Variants in LHFPL2 observed in about 807,000 individuals in gnomAD.
The protein encoded by LHFPL2 is LHFPL tetraspan subfamily member 2.
A neutral mutation model predicts 17.5 loss-of-function variants in LHFPL2; 7 were observed. The ratio of observed to expected loss-of-function variants is 0.40; its 90% CI spans 0.23 to 0.75. The LOEUF is 0.75. Ranked by LOEUF, LHFPL2 falls within the 30% of genes least tolerant of loss-of-function variation. LHFPL2 has a pLI of 0.37. For missense variants in LHFPL2, 241 were observed against 294.8 expected (o/e 0.82, Z 1.34); for synonymous variants, 134 against 116.2 (o/e 1.15, Z -0.99).
rs528378618 is a variant in LHFPL2 at position 78,485,817 on chromosome 5, G to A, written c.*3080C>T. 5 of 152,702 alleles carry A rather than the reference G, an allele frequency of 3.3e-5. No homozygotes were observed. Among genetic ancestry groups the A allele is most frequent in the Non-Finnish European group, 7.3e-5 (5 of 68,032 alleles). 9.5% of individuals were successfully genotyped at this position (152,702 alleles called of 1,614,324 possible). The stretch of plus-strand genomic sequence containing the variant: ...CTAGCATTAACTGGGCCTGGCGTGC[G>A]GGCTTAACTTTGACATAACACTAGC... On this transcript the variant is annotated 3_prime_UTR_variant, in exon 5 of 5. Coordinates refer to ENST00000380345, the MANE Select transcript of LHFPL2 (RefSeq NM_005779.3).
At chr5:78,617,430 T>C (rs1401985561) in intron 2 of LHFPL2, among the ~76,000 whole-genome samples, 2 of 152,202 alleles carry the variant, frequency 1.3e-5, no homozygotes, top group Non-Finnish European at 2.9e-5. Flanking sequence ...TTTTCCACTC[T>C]CACCAGCTCA....
At chr5:78,530,411 C>A (rs1033571020) in intron 3 of LHFPL2, among the ~76,000 whole-genome samples, 8 of 152,186 alleles carry the variant, frequency 5.3e-5, no homozygotes, top group African/African-American at 1.9e-4. Context: ...TGAAATCAGG[C>A]TGAACCATAA....
chr5:78,581,922 T>C (rs868568834), intron 2 of LHFPL2, among the ~76,000 whole-genome samples: 1 of 152,124 alleles, frequency 6.6e-6, no homozygotes, highest in African/African-American at 2.4e-5. Flanking sequence ...TCTGGTCCTG[T>C]ACTATTTTTG....
chr5:78,516,019 C>T (rs1755280895), intron 3 of LHFPL2, among the ~76,000 whole-genome samples: 1 of 152,088 alleles, frequency 6.6e-6, no homozygotes, highest in Non-Finnish European at 1.5e-5. Flanking sequence ...ACGATCTGCC[C>T]AAACATTCAG....
intron 1 of LHFPL2, among the ~76,000 whole-genome samples, chr5:78,647,351 C>G (rs1017335793): frequency 6.6e-6 from 1 of 152,208 alleles, no homozygotes; most frequent in African/African-American, 2.4e-5. Context: ...TTAAACCTAG[C>G]AGGAGTGGAG....
rs57180798 is a variant in LHFPL2, at chr5:78,523,111, G to GGTGT, written c.-185-12717_-185-12714dup. On this transcript the variant is annotated intron_variant, in intron 3 of 4. Transcript: ENST00000380345. ...GGCGTGTGCACGTGTGTGTGTCTGTGGTGTGTGTGTGTGTGTGTGTGTGTG... is the reference window on the plus strand; with the variant it reads ...GGCGTGTGCACGTGTGTGTGTCTGTGGTGTGTGTGTGTGTGTGTGTGTGTGTGTG... 8.7e-3 allele frequency among the ~76,000 whole-genome samples: 1,297 copies of GGTGT among 149,718 alleles called. 5 individuals carry two copies. The highest frequency in any genetic ancestry group is 0.012 in the Non-Finnish European group (785 of 67,242).
intron 3 of LHFPL2, among the ~76,000 whole-genome samples, chr5:78,524,085 A>G (rs767192054): frequency 2.0e-4 from 30 of 152,208 alleles, no homozygotes; most frequent in African/African-American, 5.1e-4. Flanking sequence ...GGCTGAGCAC[A>G]TGACTAGAAC....
At chr5:78,586,534 T>TTG (rs765560218) in intron 2 of LHFPL2, among the ~76,000 whole-genome samples, 5 of 152,160 alleles carry the variant, frequency 3.3e-5, no homozygotes, top group Non-Finnish European at 7.4e-5. Flanking sequence ...CCTCTGCCCT[T>TTG]TGTCTCAGGC....
chr5:78,494,845 G>C (rs184506574), intron 4 of LHFPL2, among the ~76,000 whole-genome samples: 26 of 152,304 alleles, frequency 1.7e-4, no homozygotes, highest in African/African-American at 6.0e-4. Flanking sequence ...GGCTCCGTGA[G>C]GGCAGAGGCT....
At chr5:78,556,592 T>C (rs776110771) in intron 3 of LHFPL2, among the ~76,000 whole-genome samples, 1 of 152,198 alleles carries the variant, frequency 6.6e-6, no homozygotes, top group Non-Finnish European at 1.5e-5. Context: ...TCAAGGTTGA[T>C]ATTTAATGGT....
At chr5:78,611,219 C>T (rs764844088) in intron 2 of LHFPL2, among the ~76,000 whole-genome samples, 7 of 152,326 alleles carry the variant, frequency 4.6e-5, no homozygotes, top group East Asian at 1.9e-4. Flanking sequence ...GTGCAGCACG[C>T]GTCCCCAGGC....
intron 3 of LHFPL2, among the ~76,000 whole-genome samples, chr5:78,537,950 C>G (rs1755999777): frequency 6.6e-6 from 1 of 152,200 alleles, no homozygotes; most frequent in African/African-American, 2.4e-5. Context: ...TGGGGCGCTA[C>G]AGGGATGGGG....
chr5:78,556,898 G>T (rs1019325200), intron 3 of LHFPL2, among the ~76,000 whole-genome samples: 3 of 151,962 alleles, frequency 2.0e-5, no homozygotes, highest in Admixed American at 6.5e-5. Context: ...ATACATTTCT[G>T]TATGAACTTG....
rs534745593 is a variant in LHFPL2, at chr5:78,551,032, A to G, written c.-186+13781T>C. 2.0e-5 allele frequency among the ~76,000 whole-genome samples: 3 copies of G among 152,348 alleles called. No individual in the cohort carries two copies. The East Asian group carries it at 5.8e-4, about 29-fold the overall frequency. ...CAAAAGACAGAGCAGTCAGTGGCCA[A>G]TTTACTAACTTGGACTCAAAACATC... On this transcript the variant is annotated intron_variant, in intron 3 of 4. Transcript: ENST00000380345.
At chr5:78,619,751 C>A (rs1214158991) in intron 2 of LHFPL2, among the ~76,000 whole-genome samples, 1 of 137,988 alleles carries the variant, frequency 7.2e-6, no homozygotes, top group Non-Finnish European at 1.6e-5. Context: ...TGAGAACATG[C>A]GGTGTTTGGT....
intron 2 of LHFPL2, chr5:78,626,169 A>G (rs1004420108): frequency 2.6e-5 from 4 of 152,188 alleles, no homozygotes; most frequent in Admixed American, 1.3e-4. Flanking sequence ...ATTCCTTCCA[A>G]TGAGGAAATC....
intron 4 of LHFPL2, among the ~76,000 whole-genome samples, chr5:78,492,028 T>C (rs888652332): frequency 6.6e-6 from 1 of 152,228 alleles, no homozygotes; most frequent in East Asian, 1.9e-4. Context: ...CAATTAATCT[T>C]GTCTGCATCC....
intron 2 of LHFPL2, among the ~76,000 whole-genome samples, chr5:78,580,778 T>C (rs1233175786): frequency 3.3e-5 from 5 of 152,126 alleles, no homozygotes; most frequent in East Asian, 1.9e-4. Context: ...AGTCAGGTAG[T>C]GTGATGCCTC....
At position 78,510,287 on chromosome 5, in the gene LHFPL2, G is replaced by C; in HGVS notation, c.-74C>G. On this transcript the variant is annotated 5_prime_UTR_variant, in exon 4 of 5. Transcript: ENST00000380345. ...AAACAAGAAAGTCGGTGGGGAAGGA[G>C]GCTCGGGCGGCCCGGGAAGGAAGTC... The C allele has an allele frequency of 1.4e-6, 2 of 1,402,934 alleles. No homozygotes were observed. Among genetic ancestry groups the C allele is most frequent in the South Asian group, 1.5e-5 (1 of 68,508 alleles). The allele number at this position is 1,402,934 out of a possible 1,614,324, so 86.9% of individuals were successfully genotyped here. A position where few individuals can be genotyped will look rare whatever the true frequency, so the allele number is the denominator to read the frequency against.
Sources: gnomAD v4.1 joint callset for allele counts (sites outside exome capture counted in the v4.1 genomes callset) on GRCh38, gnomAD v4.1.1 for gene constraint, MANE v1.5 for transcripts, NCBI Gene and HGNC (gene_info 2026-07-23, HGNC 2026-07-21) for gene names.